The following ROBO1 variants were observed in gnomAD, a reference collection of about 807,000 sequenced individuals.
The protein encoded by ROBO1 is roundabout guidance receptor 1.
ROBO1 carries 149 observed loss-of-function variants against 195.9 expected under a neutral mutation model. The observed-to-expected ratio is 0.76, with a 90% CI of 0.67 to 0.87. The LOEUF (loss-of-function observed/expected upper bound fraction) is 0.87. Among genes scored for constraint, ROBO1 ranks in the 40% least tolerant of loss-of-function variants. The pLI is 0.00. For missense variants in ROBO1, 1,933 were observed against 2,068.3 expected, an observed-to-expected ratio of 0.93 and a Z score of 1.27; for synonymous variants, 816 against 733.2, an observed-to-expected ratio of 1.11 and a Z score of -1.82.
intron 2 of ROBO1, among the ~76,000 whole-genome samples, chr3:79,496,538 C>G (rs1194476638): frequency 6.8e-6 from 1 of 147,944 alleles, no homozygotes; most frequent in East Asian, 2.0e-4. Flanking sequence ...CGCCCGCCAC[C>G]GCGCCCGGCT....
intron 10 of ROBO1, among the ~76,000 whole-genome samples, chr3:78,677,897 A>G (rs9831281): frequency 1 from 150,481 of 150,570 alleles, 75,196 homozygotes; most frequent in Middle Eastern, 1. Flanking sequence ...CACCACACCT[A>G]TTCCAAAATT....
intron 2 of ROBO1, among the ~76,000 whole-genome samples, chr3:79,202,161 G>T (rs560979190): frequency 6.6e-6 from 1 of 152,022 alleles, no homozygotes; most frequent in African/African-American, 2.4e-5. Context: ...TTCCTTGCCT[G>T]AATCCTCCAA....
chr3:78,812,885 CAT>C (rs1431385097), intron 4 of ROBO1, among the ~76,000 whole-genome samples: 1 of 152,066 alleles, frequency 6.6e-6, no homozygotes, highest in Non-Finnish European at 1.5e-5. Context: ...CACATAATCA[CAT>C]GACTGCAATT....
chr3:78,741,485 A>G (rs2082533100), intron 5 of ROBO1, among the ~76,000 whole-genome samples: 1 of 152,194 alleles, frequency 6.6e-6, no homozygotes, highest in South Asian at 2.1e-4. Flanking sequence ...TTAATGAGGA[A>G]GGCAATTTTA....
At chr3:79,053,364 G>A (rs1393319144) in intron 3 of ROBO1, among the ~76,000 whole-genome samples, 1 of 151,852 alleles carries the variant, frequency 6.6e-6, no homozygotes, top group Non-Finnish European at 1.5e-5. Context: ...ACCCCCCAAT[G>A]ACCTTATTTC....
rs150406112 is a variant in ROBO1 at position 79,204,169 on chromosome 3, G to A, written c.89-78630C>T. Among the ~76,000 whole-genome samples, 281 of 152,208 alleles carry A rather than the reference G, an allele frequency of 1.8e-3. 2 individuals are homozygous for A. Among genetic ancestry groups the A allele is most frequent in the South Asian group, 0.011 (55 of 4,818 alleles). ...TACAATGTGTAGTGATCAAATCAGA[G>A]TAACTGTGATATTCATCACTTCAAA... is the stretch of plus-strand genomic sequence containing the variant. On this transcript the variant is annotated intron_variant, in intron 2 of 30. Transcript: ENST00000464233.
chr3:78,998,034 T>C (rs2077409994), intron 3 of ROBO1, among the ~76,000 whole-genome samples: 1 of 152,186 alleles, frequency 6.6e-6, no homozygotes, highest in South Asian at 2.1e-4. Flanking sequence ...TCTAATTTTA[T>C]TCTAGACAAT....
Position 78,627,480 on chromosome 3 carries a change from G to A in ROBO1, c.3716C>T (p.Pro1239Leu). 1 of 1,613,048 alleles carries A rather than the reference G, an allele frequency of 6.2e-7. No homozygotes were observed. Among genetic ancestry groups the A allele is most frequent in the Admixed American group, 1.7e-5 (1 of 59,934 alleles). ...ELEEEEDERG[P>L]TPPVRGAASS... ...AGCTGCTCCCCGAACAGGGGGAGTG[G>A]GGCCTCGTTCATCTTCCTCCTCTTC... Residue 1239 changes from proline (P) to leucine (L), a missense_variant, in exon 26 of 31, where the codon CCC becomes CTC. Transcript: ENST00000464233.
chr3:79,442,756 C>T (rs1559902766), intron 2 of ROBO1, among the ~76,000 whole-genome samples: 1 of 152,112 alleles, frequency 6.6e-6, no homozygotes, highest in Admixed American at 6.6e-5. Flanking sequence ...TCACTAACAC[C>T]AGGCTAAAGG....
chr3:79,488,618 C>T (rs1186179137), intron 2 of ROBO1, among the ~76,000 whole-genome samples: 2 of 152,108 alleles, frequency 1.3e-5, no homozygotes, highest in African/African-American at 4.8e-5. Flanking sequence ...GAATTGCTGT[C>T]TCAGCATTAT....
intron 1 of ROBO1, among the ~76,000 whole-genome samples, chr3:79,751,386 T>G (rs2107476419): frequency 6.6e-6 from 1 of 152,298 alleles, no homozygotes; most frequent in Non-Finnish European, 1.5e-5. Context: ...TCTATAGCAC[T>G]GCAATATAAA....
intron 2 of ROBO1, among the ~76,000 whole-genome samples, chr3:79,457,097 A>G (rs2039640987): frequency 6.6e-6 from 1 of 152,208 alleles, no homozygotes; most frequent in Non-Finnish European, 1.5e-5. Context: ...AAAACGAATG[A>G]TGAATTTTAC....
At chr3:78,896,914 C>A (rs963158409) in intron 4 of ROBO1, among the ~76,000 whole-genome samples, 1 of 152,096 alleles carries the variant, frequency 6.6e-6, no homozygotes, top group African/African-American at 2.4e-5. Context: ...TAACAATGAA[C>A]ACATCTGCCT....
rs529594960 is a variant in ROBO1 at position 79,734,210 on chromosome 3, G to A, written c.-51+33542C>T. ...GATCCTCTCACCTCGGCCTCCCAAA[G>A]TGCTGGGATTACAGGCATGAGCCAC... On this transcript the variant is annotated intron_variant, in intron 1 of 30. Coordinates refer to ENST00000464233, the MANE Select transcript of ROBO1 (RefSeq NM_002941.4). Among the ~76,000 whole-genome samples the A allele has an allele frequency of 3.9e-5, 6 of 152,172 alleles. No individual in the cohort carries two copies. The South Asian group carries it at 1.2e-3, about 32-fold the overall frequency.
chr3:79,340,344 C>T (rs1433165374), intron 2 of ROBO1, among the ~76,000 whole-genome samples: 1 of 152,190 alleles, frequency 6.6e-6, no homozygotes, highest in Non-Finnish European at 1.5e-5. Context: ...CTGCCTCCTG[C>T]TTTTGTGATC....
rs59803473 is a variant in ROBO1 at position 78,944,364 on chromosome 3, G to A, written c.173-5437C>T. Among the ~76,000 whole-genome samples, 503 of 152,320 alleles carry A rather than the reference G, an allele frequency of 3.3e-3. 3 individuals carry two copies. Among genetic ancestry groups the A allele is most frequent in the African/African-American group, 0.011 (472 of 41,572 alleles). On this transcript the variant is annotated intron_variant, in intron 3 of 30. Transcript: ENST00000464233. ...TGATAAAAACACCAAGAGCTCTCCT[G>A]CTCTCTTTTTCTCTCTCTGCCATGT...
chr3:79,642,807 G>T (rs1489957346), intron 1 of ROBO1, among the ~76,000 whole-genome samples: 1 of 152,106 alleles, frequency 6.6e-6, no homozygotes, highest in Non-Finnish European at 1.5e-5. Flanking sequence ...TATGCCGAAA[G>T]AAAACATTTT....
intron 2 of ROBO1, among the ~76,000 whole-genome samples, chr3:79,279,449 A>T (rs1278258202): frequency 6.6e-6 from 1 of 152,222 alleles, no homozygotes; most frequent in East Asian, 1.9e-4. Context: ...CTATTATAAA[A>T]AAAAGATTTT....
chr3:78,715,564 C>T (rs1054702177), intron 7 of ROBO1, among the ~76,000 whole-genome samples: 1 of 152,180 alleles, frequency 6.6e-6, no homozygotes, highest in African/African-American at 2.4e-5. Context: ...TGGAGTCACA[C>T]TCTGCCGCTC....
Sources: gnomAD v4.1 joint callset for allele counts (sites outside exome capture counted in the v4.1 genomes callset) on GRCh38, gnomAD v4.1.1 for gene constraint, MANE v1.5 for transcripts, NCBI Gene and HGNC (gene_info 2026-07-23, HGNC 2026-07-21) for gene names.